MTA3: variants seen among roughly 807,000 people sequenced by gnomAD.
MTA3 encodes the protein metastasis associated 1 family member 3.
In MTA3, 34 loss-of-function variants were observed where a neutral mutation model predicts 83.5. The ratio of observed to expected loss-of-function variants is 0.41; its 90% CI spans 0.31 to 0.54. The LOEUF is 0.54. MTA3 is among the 20% of genes least tolerant of loss of function. The pLI is 0.33. For missense variants in MTA3, 761 were observed against 726.4 expected, an observed-to-expected ratio of 1.05 and a Z score of -0.55; for synonymous variants, 303 against 252.7, an observed-to-expected ratio of 1.20 and a Z score of -1.89.
At chr2:42,531,533 A>G (rs1314158182) in intron 2 of MTA3, among the ~76,000 whole-genome samples, 5 of 138,752 alleles carry the variant, frequency 3.6e-5, no homozygotes, top group African/African-American at 5.5e-5. Context: ...GCTCACCGCA[A>G]CCTCTGCCTC....
At chr2:42,511,353 CAA>C (rs368131308) in intron 2 of MTA3, among the ~76,000 whole-genome samples, 31 of 129,048 alleles carry the variant, frequency 2.4e-4, no homozygotes, top group Admixed American at 3.1e-4. Flanking sequence ...CTTTCTACGT[CAA>C]AAAAAAAAAA....
intron 16 of MTA3, among the ~76,000 whole-genome samples, chr2:42,724,577 G>A (rs6730235): frequency 0.21 from 31,344 of 150,602 alleles, 3,300 homozygotes; most frequent in East Asian, 0.31. Context: ...CCAGGAGGTC[G>A]AGGCTGCAGT....
At chr2:42,682,360 G>T in intron 8 of MTA3, 41 bp from the exon 9 acceptor site, 1 of 1,434,278 alleles carries the variant, frequency 7.0e-7, no homozygotes, top group East Asian at 2.4e-5. Flanking sequence ...TAGCATGTTT[G>T]CATTTCTGGT....
rs1278286466 is a variant in MTA3 at position 42,568,695 on chromosome 2, C to G, written c.-51C>G. On this transcript the variant is annotated 5_prime_UTR_variant, in exon 1 of 17. Transcript: ENST00000405094. ...GTCGCGGCTGAGGCTGAGGAGGAGG[C>G]GGCGGCGGCGGGCGGGGCTCGGCTC... 9.0e-7 allele frequency: 1 copy of G among 1,107,136 alleles called. No individual in the cohort carries two copies. The allele number at this position is 1,107,136 out of a possible 1,614,324, so 68.6% of individuals were successfully genotyped here.
At chr2:42,537,165 C>T (rs1676283963) in intron 2 of MTA3, among the ~76,000 whole-genome samples, 1 of 152,162 alleles carries the variant, frequency 6.6e-6, no homozygotes, top group Non-Finnish European at 1.5e-5. Context: ...CCAGCATAGA[C>T]ACACCTCTGT....
intron 4 of MTA3, among the ~76,000 whole-genome samples, chr2:42,615,381 C>T (rs1219651495): frequency 2.7e-5 from 4 of 150,824 alleles, no homozygotes; most frequent in East Asian, 1.9e-4. Context: ...GATGGATTCT[C>T]GCTCTGTCAC....
intron 2 of MTA3, among the ~76,000 whole-genome samples, chr2:42,548,837 TATATATATA>T (rs1438944019): frequency 3.4e-4 from 5 of 14,570 alleles, no homozygotes; most frequent in Non-Finnish European, 4.2e-4. Flanking sequence ...ATAATATATA[TATATATATA>T]ATATATATAT....
At chr2:42,608,522 A>C (rs985527644) in intron 3 of MTA3, among the ~76,000 whole-genome samples, 1 of 152,134 alleles carries the variant, frequency 6.6e-6, no homozygotes, top group Non-Finnish European at 1.5e-5. Context: ...TCTGATACTT[A>C]CTCCATTCAT....
chr2:42,587,440 C>T (rs1356472295), intron 3 of MTA3, among the ~76,000 whole-genome samples: 3 of 152,150 alleles, frequency 2.0e-5, no homozygotes, highest in Non-Finnish European at 4.4e-5. Flanking sequence ...TTATTACTAG[C>T]TTCTGGTGTC....
intron 2 of MTA3, among the ~76,000 whole-genome samples, chr2:42,574,353 C>T (rs1678813619): frequency 6.6e-6 from 1 of 151,144 alleles, no homozygotes; most frequent in Non-Finnish European, 1.5e-5. Context: ...TCTCGAACTC[C>T]CGACCTCAGG....
intron 4 of MTA3, among the ~76,000 whole-genome samples, chr2:42,628,716 C>CTCT (rs1480532922): frequency 1.3e-5 from 2 of 150,490 alleles, no homozygotes; most frequent in Non-Finnish European, 2.9e-5. Flanking sequence ...TGGGATTTAT[C>CTCT]TCTTCTTGTC....
chr2:42,718,324 C>T (rs1443517845), intron 14 of MTA3, among the ~76,000 whole-genome samples: 8 of 151,674 alleles, frequency 5.3e-5, no homozygotes, highest in Admixed American at 2.0e-4. Context: ...CTTGGCTCAC[C>T]GCAATGTCCA....
At chr2:42,633,649 T>G (rs976228662) in intron 4 of MTA3, among the ~76,000 whole-genome samples, 3 of 151,740 alleles carry the variant, frequency 2.0e-5, no homozygotes, top group Non-Finnish European at 4.4e-5. Context: ...CCCAGCACTT[T>G]GGGAGGCCGA....
chr2:42,542,190 G>T (rs1162498112), intron 2 of MTA3, among the ~76,000 whole-genome samples: 1 of 152,176 alleles, frequency 6.6e-6, no homozygotes, highest in Non-Finnish European at 1.5e-5. Flanking sequence ...GGAGTCAGGG[G>T]TCTTCCCGTA....
intron 2 of MTA3, among the ~76,000 whole-genome samples, chr2:42,555,455 C>CA (rs146740409): frequency 0.039 from 2,125 of 54,308 alleles, 223 homozygotes; most frequent in African/African-American, 0.13. Flanking sequence ...AACTCCATCT[C>CA]AAAAAAAAAA....
intron 2 of MTA3, among the ~76,000 whole-genome samples, chr2:42,508,427 G>C (rs893133741): frequency 5.3e-5 from 8 of 152,082 alleles, no homozygotes; most frequent in Admixed American, 3.3e-4. Flanking sequence ...AACCTCCTGG[G>C]CTCAAGCGAT....
At chr2:42,710,769 C>A (rs1220057630) in intron 14 of MTA3, among the ~76,000 whole-genome samples, 2 of 152,072 alleles carry the variant, frequency 1.3e-5, no homozygotes, top group Non-Finnish European at 2.9e-5. Flanking sequence ...AACACATTTT[C>A]ATGTAATTTT....
intron 2 of MTA3, among the ~76,000 whole-genome samples, chr2:42,537,780 T>A (rs1372454520): frequency 1.3e-5 from 2 of 152,174 alleles, no homozygotes; most frequent in Admixed American, 1.3e-4. Flanking sequence ...ATATGTTGGA[T>A]GAAACTATGG....
intron 2 of MTA3, among the ~76,000 whole-genome samples, chr2:42,555,663 G>A (rs1422860989): frequency 3.3e-5 from 5 of 152,072 alleles, no homozygotes; most frequent in African/African-American, 1.2e-4. Flanking sequence ...AGCTACTTGG[G>A]AGGCTGAGGC....
Sources: gnomAD v4.1 joint callset for allele counts (sites outside exome capture counted in the v4.1 genomes callset) on GRCh38, gnomAD v4.1.1 for gene constraint, MANE v1.5 for transcripts, NCBI Gene and HGNC (gene_info 2026-07-23, HGNC 2026-07-21) for gene names.